AHCTF1: variants seen among roughly 807,000 people sequenced by gnomAD.
AHCTF1 encodes AT-hook containing transcription factor 1.
A neutral mutation model predicts 248.4 loss-of-function variants in AHCTF1; 24 were observed. The ratio of observed to expected loss-of-function variants is 0.10; its 90% CI spans 0.07 to 0.14. AHCTF1 has a LOEUF of 0.14. Ranked by LOEUF, AHCTF1 falls within the 10% of genes least tolerant of loss-of-function variation. The pLI, the probability that AHCTF1 is intolerant of heterozygous loss-of-function variation, is 1.00. For synonymous variants in AHCTF1, 786 were observed against 929.8 expected (o/e 0.85, Z 2.81); for missense variants, 2,206 against 2,636.2 (o/e 0.84, Z 3.57).
At chr1:246,880,567 C>CA (rs370055569) in intron 21 of AHCTF1, among the ~76,000 whole-genome samples, 3,353 of 53,818 alleles carry the variant, frequency 0.062, 172 homozygotes, top group African/African-American at 0.18. Flanking sequence ...GACTCCAGCT[C>CA]AAAAAAAAAA....
intron 24 of AHCTF1, among the ~76,000 whole-genome samples, chr1:246,873,962 G>A (rs1022800889): frequency 1.3e-5 from 2 of 152,072 alleles, no homozygotes; most frequent in Non-Finnish European, 2.9e-5. Flanking sequence ...GACTTACTAC[G>A]CTGACATAAG....
chr1:246,841,398 A>C (rs908688463), intron 35 of AHCTF1, among the ~76,000 whole-genome samples: 2 of 152,234 alleles, frequency 1.3e-5, no homozygotes, highest in Non-Finnish European at 2.9e-5. Context: ...CAATTAGCAA[A>C]GATGCACAGA....
chr1:246,867,096 T>C (rs1662034189), intron 26 of AHCTF1, 148 bp downstream of exon 26: 1 of 522,882 alleles, frequency 1.9e-6, no homozygotes, highest in East Asian at 3.3e-5. Flanking sequence ...TTCCTAAAAT[T>C]ACTGCTGCCC....
Position 246,862,116 on chromosome 1 carries a change from C to T in AHCTF1, c.3578G>A (p.Gly1193Glu), listed in dbSNP as rs1661600757. 1 of 1,606,892 alleles carries T rather than the reference C, an allele frequency of 6.2e-7. No individual in the cohort carries two copies. The highest frequency in any genetic ancestry group is 1.1e-5 in the South Asian group (1 of 89,582). Residue 1193 changes from glycine (G) to glutamate (E), a missense_variant, in exon 28 of 36, where the codon GGA (glycine) becomes GAA (glutamate). Coordinates refer to ENST00000648844, the MANE Select transcript of AHCTF1 (RefSeq NM_001323342.2). ...KSLAMSVTTS[G>E]FSEFTPQSIL... is the part of the protein sequence containing the mutation. ...GGACTGAGGAGTGAACTCAGAAAAT[C>T]CAGAAGTAGTAACTGACATGGCCAA... is the stretch of plus-strand genomic sequence containing the variant.
chr1:246,861,790 C>T (rs72764701), intron 28 of AHCTF1, among the ~76,000 whole-genome samples, 169 bp downstream of exon 28: 3,241 of 152,258 alleles, frequency 0.021, 48 homozygotes, highest in Middle Eastern at 0.037. Flanking sequence ...GCCAATGGCC[C>T]TAGTGTTTCT....
At chr1:246,860,827 G>C in intron 29 of AHCTF1, 72 bp downstream of exon 29, 1 of 1,536,962 alleles carries the variant, frequency 6.5e-7, no homozygotes, top group South Asian at 1.3e-5. Context: ...TCTTATGGTG[G>C]AAAAAATTCT....
rs191786121 is a variant in AHCTF1, at chr1:246,919,590, G to A, written c.-7-1213C>T. ...TAGCCAGGCATGGTGGCACACACCT[G>A]TAGTCTCACCTACTCGGGAGGCTGA... On this transcript the variant is annotated intron_variant, in intron 1 of 35. Transcript: ENST00000648844. Among the ~76,000 whole-genome samples the A allele has an allele frequency of 9.9e-5, 15 of 151,890 alleles. No homozygotes were observed. The East Asian group carries it at 2.5e-3, about 26-fold the overall frequency.
At chr1:246,930,494 C>A (rs1015013525) in intron 1 of AHCTF1, among the ~76,000 whole-genome samples, 7 of 151,916 alleles carry the variant, frequency 4.6e-5, no homozygotes, top group Non-Finnish European at 1.0e-4. Flanking sequence ...CTGGGCTTGT[C>A]ATCCCAGGTC....
chr1:246,852,963 A>ATT, intron 32 of AHCTF1, 128 bp downstream of exon 32: 1 of 669,444 alleles, frequency 1.5e-6, no homozygotes, highest in Non-Finnish European at 2.5e-6. Flanking sequence ...TTGAACCCAT[A>ATT]TTTTTATAAA....
At chr1:246,866,631 T>C (rs942581588) in intron 26 of AHCTF1, among the ~76,000 whole-genome samples, 3 of 152,114 alleles carry the variant, frequency 2.0e-5, no homozygotes, top group African/African-American at 7.2e-5. Flanking sequence ...CAATGTAATT[T>C]TGTCTTTGAT....
chr1:246,911,479 CTTTTTTT>C (rs35320501), intron 4 of AHCTF1, among the ~76,000 whole-genome samples: 2 of 99,496 alleles, frequency 2.0e-5, no homozygotes, highest in East Asian at 6.0e-4. Flanking sequence ...TATGAAGATT[CTTTTTTT>C]TTTTTTTTTT....
chr1:246,893,047 A>G (rs978824318), intron 14 of AHCTF1, among the ~76,000 whole-genome samples: 2 of 152,198 alleles, frequency 1.3e-5, no homozygotes, highest in Non-Finnish European at 2.9e-5. Context: ...AACAAAGGTC[A>G]AAGCAGCAAC....
chr1:246,843,659 A>G (rs1660032550), intron 34 of AHCTF1, 136 bp downstream of exon 34: 2 of 801,100 alleles, frequency 2.5e-6, no homozygotes, highest in Non-Finnish European at 3.2e-6. Context: ...CATGACTGTT[A>G]TCTTTAAGAC....
chr1:246,899,933 C>A, intron 10 of AHCTF1, 132 bp downstream of exon 10: 1 of 853,694 alleles, frequency 1.2e-6, no homozygotes. Context: ...TATTAATTTC[C>A]TAAGTTATCC....
At chr1:246,927,222 C>T (rs1177547272) in intron 1 of AHCTF1, among the ~76,000 whole-genome samples, 1 of 151,928 alleles carries the variant, frequency 6.6e-6, no homozygotes, top group Non-Finnish European at 1.5e-5. Flanking sequence ...GTGGCTCACA[C>T]CTGTCATCTC....
intron 7 of AHCTF1, among the ~76,000 whole-genome samples, chr1:246,903,322 T>C (rs1441242884): frequency 1.3e-5 from 2 of 152,292 alleles, no homozygotes; most frequent in South Asian, 2.1e-4. Flanking sequence ...AATCACCCTA[T>C]GGCTTAATGC....
At chr1:246,843,181 G>A (rs1200827325) in intron 34 of AHCTF1, among the ~76,000 whole-genome samples, 2 of 152,156 alleles carry the variant, frequency 1.3e-5, no homozygotes, top group Admixed American at 6.5e-5. Flanking sequence ...CTCCTCATCT[G>A]CCTGCCATTG....
chr1:246,904,378 G>A (rs1336422512), intron 6 of AHCTF1, among the ~76,000 whole-genome samples: 2 of 152,156 alleles, frequency 1.3e-5, no homozygotes, highest in Non-Finnish European at 2.9e-5. Flanking sequence ...ACATCTCCCA[G>A]CTTCCTTTGC....
intron 24 of AHCTF1, among the ~76,000 whole-genome samples, chr1:246,868,611 TA>T (rs36102148): frequency 0.35 from 46,210 of 132,584 alleles, 8,258 homozygotes; most frequent in African/African-American, 0.5. Flanking sequence ...TGGTAAGTGG[TA>T]AAAAAAAAAA....
Sources: allele counts gnomAD v4.1 joint callset (sites outside exome capture counted in the v4.1 genomes callset), GRCh38; gene constraint gnomAD v4.1.1; transcripts MANE v1.5; gene names NCBI Gene and HGNC (gene_info 2026-07-23, HGNC 2026-07-21).